Variants in LRCH2 observed in about 807,000 individuals in gnomAD.
LRCH2 encodes leucine-rich repeat and calponin homology domain-containing protein 2.
A neutral mutation model predicts 68.9 loss-of-function variants in LRCH2; 38 were observed. That is an observed-to-expected ratio of 0.55 (90% confidence interval 0.43 to 0.72). The LOEUF (loss-of-function observed/expected upper bound fraction) is 0.72. Ranked by LOEUF, LRCH2 falls within the 30% of genes least tolerant of loss-of-function variation. The pLI, the probability that LRCH2 is intolerant of heterozygous loss-of-function variation, is 0.00. For synonymous variants in LRCH2, 191 were observed against 208.1 expected (o/e 0.92, Z 0.71); for missense variants, 528 against 572.9 (o/e 0.92, Z 0.80).
intron 14 of LRCH2, among the ~76,000 whole-genome samples, chrX:115,134,809 C>G (rs1285509426): frequency 4.4e-5 from 1 of 22,477 alleles, no homozygotes; most frequent in Non-Finnish European, 7.9e-5. Context: ...GTAATATCAA[C>G]TTTCAAGTCT....
At chrX:115,173,585 CAAG>C (rs1470144399) in intron 5 of LRCH2, among the ~76,000 whole-genome samples, 1 of 111,928 alleles carries the variant, frequency 8.9e-6, no homozygotes, top group Non-Finnish European at 1.9e-5. Context: ...CCCAGCCTTC[CAAG>C]AAGGTTTGTG....
At chrX:115,159,534 G>T (rs1407970721) in intron 11 of LRCH2, among the ~76,000 whole-genome samples, 4 of 109,942 alleles carry the variant, frequency 3.6e-5, no homozygotes, top group Admixed American at 1.9e-4. Context: ...GGCGGATCAC[G>T]ACGTCAGGAG....
At chrX:115,219,462 G>A (rs1285938021) in intron 1 of LRCH2, among the ~76,000 whole-genome samples, 2 of 111,418 alleles carry the variant, frequency 1.8e-5, no homozygotes, top group Non-Finnish European at 3.8e-5. Context: ...TGGTCAAGCA[G>A]CCCCTACACA....
In LRCH2 at chrX:115,179,411, T is replaced by C; in HGVS notation, c.864+16A>G. Reference sequence around the variant, plus strand: ...ATAAAAATGAGAAGAAACATTATAATATTTTTATTACAAACCTGTGCTGGT... The same window carrying C: ...ATAAAAATGAGAAGAAACATTATAACATTTTTATTACAAACCTGTGCTGGT... On this transcript the variant is annotated intron_variant, in intron 5 of 20. Coordinates refer to ENST00000317135, the MANE Select transcript of LRCH2 (RefSeq NM_020871.4). The C allele has an allele frequency of 3.8e-6, 4 of 1,063,332 alleles. No homozygotes were observed. The highest frequency in any genetic ancestry group is 4.9e-6 in the Non-Finnish European group (4 of 816,956). The allele number at this position is 1,063,332 out of a possible 1,213,427, so 87.6% of individuals were successfully genotyped here. A position where few individuals can be genotyped will look rare whatever the true frequency, so the allele number is the denominator to read the frequency against.
At chrX:115,174,659 G>A (rs2072633524) in intron 5 of LRCH2, among the ~76,000 whole-genome samples, 1 of 106,724 alleles carries the variant, frequency 9.4e-6, no homozygotes, top group East Asian at 2.9e-4. Context: ...GGACATACAG[G>A]TTGTTTCCAT....
chrX:115,183,309 T>A lies in LRCH2; in HGVS notation c.621+1102A>T, dbSNP rs993869391. On this transcript the variant is annotated intron_variant, in intron 3 of 20. Coordinates refer to ENST00000317135, the MANE Select transcript of LRCH2 (RefSeq NM_020871.4). ...TGAAATTTCTGCTCATTACATTCTG[T>A]TAATATTAATTTCTCATTATGAAAT... Among the ~76,000 whole-genome samples, 4 of 111,820 alleles carry A rather than the reference T, an allele frequency of 3.6e-5. No homozygotes were observed. In the South Asian group the frequency reaches 1.5e-3, roughly 42 times the overall value.
chrX:115,223,634 C>T (rs1019434412), intron 1 of LRCH2, among the ~76,000 whole-genome samples: 3 of 110,053 alleles, frequency 2.7e-5, no homozygotes, highest in Non-Finnish European at 5.7e-5. Context: ...TCCTGACTCA[C>T]GCTGGGCACG....
chrX:115,128,470 A>C (rs1184840715), intron 15 of LRCH2, among the ~76,000 whole-genome samples: 1 of 112,360 alleles, frequency 8.9e-6, no homozygotes, highest in East Asian at 2.8e-4. Context: ...TAATAATAAA[A>C]TAGAACAATT....
At chrX:115,212,743 G>A (rs1372779665) in intron 1 of LRCH2, among the ~76,000 whole-genome samples, 1 of 109,406 alleles carries the variant, frequency 9.1e-6, no homozygotes, top group East Asian at 3.0e-4. Context: ...GGCCGAGGAG[G>A]GTGGATTGCT....
At chrX:115,232,822 T>C (rs1337698582) in intron 1 of LRCH2, among the ~76,000 whole-genome samples, 2 of 111,335 alleles carry the variant, frequency 1.8e-5, no homozygotes, top group East Asian at 2.8e-4. Flanking sequence ...TAATCCAGCA[T>C]TGGTTTATAA....
At chrX:115,138,367 T>C (rs1175583254) in intron 14 of LRCH2, among the ~76,000 whole-genome samples, 8 of 111,916 alleles carry the variant, frequency 7.1e-5, no homozygotes, top group African/African-American at 2.3e-4. Context: ...TCTCCACAAC[T>C]ATTCATTTCT....
chrX:115,160,347 T>C (rs1434957208), intron 11 of LRCH2, among the ~76,000 whole-genome samples: 3 of 110,940 alleles, frequency 2.7e-5, no homozygotes, highest in Admixed American at 1.9e-4. Context: ...AATTAAAAAA[T>C]TAAAAATATA....
intron 3 of LRCH2, among the ~76,000 whole-genome samples, chrX:115,181,941 CT>C (rs1304799273): frequency 1.1e-4 from 12 of 111,192 alleles, no homozygotes; most frequent in Admixed American, 2.9e-4. Context: ...CATATATTAA[CT>C]TTTTTTTCTT....
intron 1 of LRCH2, chrX:115,190,854 T>G (rs944763481): frequency 8.8e-7 from 1 of 1,139,464 alleles, no homozygotes; most frequent in Admixed American, 2.8e-5. Context: ...GAGGCCGTTA[T>G]GAGGAGTACC....
At chrX:115,122,977 C>CA (rs2072156639) in intron 18 of LRCH2, 80 bp from the exon 19 acceptor site, 2 of 1,092,019 alleles carry the variant, frequency 1.8e-6, no homozygotes, top group South Asian at 4.1e-5. Context: ...GTTGTATATC[C>CA]AAACATTTTA....
At chrX:115,191,028 C>T (rs1257782527) in intron 1 of LRCH2, 2 of 1,165,687 alleles carry the variant, frequency 1.7e-6, no homozygotes, top group Admixed American at 2.6e-5. Context: ...CACCCGACAC[C>T]CACAGTGGGG....
chrX:115,156,777 A>G (rs1047314046), intron 11 of LRCH2, 110 bp from the exon 12 acceptor site: 14 of 402,276 alleles, frequency 3.5e-5, no homozygotes, highest in Admixed American at 5.5e-5. Flanking sequence ...GATCTTTGCT[A>G]GAAAATAATA....
chrX:115,140,349 A>G (rs1218012188), intron 14 of LRCH2, among the ~76,000 whole-genome samples: 1 of 111,729 alleles, frequency 9.0e-6, no homozygotes, highest in African/African-American at 3.3e-5. Context: ...GCCCTGAATA[A>G]CCAGCAGAAA....
Position 115,184,964 on chromosome X carries a change from A to G in LRCH2, c.495-427T>C, listed in dbSNP as rs1355846020. Among the ~76,000 whole-genome samples the G allele has an allele frequency of 7.2e-5, 8 of 111,767 alleles. No individual in the cohort carries two copies. In the Admixed American group the frequency reaches 7.6e-4, roughly 11 times the overall value. On this transcript the variant is annotated intron_variant, in intron 2 of 20. Coordinates refer to ENST00000317135, the MANE Select transcript of LRCH2 (RefSeq NM_020871.4). ...TTGATATAATTCTGGTATATTCAAT[A>G]CTTCCATGCTAGGGAAAGTCTCCAG...
Sources: gnomAD v4.1 joint callset for allele counts (sites outside exome capture counted in the v4.1 genomes callset) on GRCh38, gnomAD v4.1.1 for gene constraint, MANE v1.5 for transcripts, NCBI Gene and HGNC (gene_info 2026-07-23, HGNC 2026-07-21) for gene names.